Variants in MACROD2 observed in about 807,000 individuals in gnomAD.
MACROD2 encodes ADP-ribose glycohydrolase MACROD2.
A neutral mutation model predicts 70.4 loss-of-function variants in MACROD2; 36 were observed. The ratio of observed to expected loss-of-function variants is 0.51; its 90% confidence interval spans 0.39 to 0.68. The LOEUF (loss-of-function observed/expected upper bound fraction) is 0.68. Ranked by LOEUF, MACROD2 falls within the 30% of genes least tolerant of loss-of-function variation. MACROD2 has a pLI of 0.00. For synonymous variants in MACROD2, 172 were observed against 178.8 expected, an observed-to-expected ratio of 0.96 and a Z score of 0.30; for missense variants, 496 against 538.4, an observed-to-expected ratio of 0.92 and a Z score of 0.78.
Position 15,019,163 on chromosome 20 carries a change from A to G in MACROD2, c.419-210777A>G, listed in dbSNP as rs868776383. On this transcript the variant is annotated intron_variant, in intron 5 of 17. Coordinates refer to ENST00000684519, the MANE Select transcript of MACROD2 (RefSeq NM_001351661.2). The stretch of plus-strand genomic sequence containing the variant: ...CCCTTCTTCCTCTGAACACACACAC[A>G]CGCGCGCGCGCGCGCGGAGAGAGTT... Among the ~76,000 whole-genome samples, 279 of 151,184 alleles carry G rather than the reference A, an allele frequency of 1.8e-3. 1 individual carries two copies. The highest frequency in any genetic ancestry group is 5.4e-3 in the African/African-American group (222 of 41,210).
At chr20:14,654,211 A>G (rs1441245374) in intron 4 of MACROD2, among the ~76,000 whole-genome samples, 1 of 152,028 alleles carries the variant, frequency 6.6e-6, no homozygotes, top group East Asian at 1.9e-4. Context: ...TGGTAGCCAC[A>G]TCAGTTACAG....
chr20:14,859,970 G>A (rs1489053831), intron 5 of MACROD2, among the ~76,000 whole-genome samples: 1 of 152,108 alleles, frequency 6.6e-6, no homozygotes, highest in Non-Finnish European at 1.5e-5. Flanking sequence ...TCACCTAGCA[G>A]CTCAGAGGCA....
intron 10 of MACROD2, among the ~76,000 whole-genome samples, chr20:15,930,389 C>A (rs1259910699): frequency 6.6e-6 from 1 of 152,144 alleles, no homozygotes; most frequent in Admixed American, 6.5e-5. Context: ...ATAAGCCAGC[C>A]AAAATGTCCT....
rs574078259 is a variant in MACROD2 at position 15,245,992 on chromosome 20, T to A, written c.540+15931T>A. On this transcript the variant is annotated intron_variant, in intron 6 of 17. Transcript: ENST00000684519. ...CTTCAGCTTTAGATAATAGTGTGCA[T>A]CTTTCTAAAATAACTCATATGCAAT... Among the ~76,000 whole-genome samples, 25 of 152,330 alleles carry A rather than the reference T, an allele frequency of 1.6e-4. No homozygotes were observed. In the South Asian group the frequency reaches 3.5e-3, roughly 21 times the overall value.
At chr20:14,686,526 G>A (rs1396205925) in intron 5 of MACROD2, among the ~76,000 whole-genome samples, 1 of 152,098 alleles carries the variant, frequency 6.6e-6, no homozygotes, top group Non-Finnish European at 1.5e-5. Context: ...GATTCAACCT[G>A]TACTATATTT....
In MACROD2 at chr20:15,937,502, G is replaced by A. The variant is rs760177995; in HGVS notation, c.865G>A (p.Gly289Ser). 7 of 1,613,356 alleles carry A rather than the reference G, an allele frequency of 4.3e-6. No homozygotes were observed. The Admixed American group carries it at 5.0e-5, about 12-fold the overall frequency. ...TGGTGTCAACACTGTCACTGTGCCC[G>A]GCCCTGCTTCAGAAGAGGCAGTTGA... ...ADGVNTVTVP[G>S]PASEEAVEDC... is the part of the protein sequence containing the mutation. Residue 289 changes from glycine (G) to serine (S), a missense_variant, in exon 12 of 18, where the codon GGC (glycine) becomes AGC (serine). Transcript: ENST00000684519.
At chr20:14,926,646 G>A (rs1239755866) in intron 5 of MACROD2, among the ~76,000 whole-genome samples, 3 of 152,136 alleles carry the variant, frequency 2.0e-5, no homozygotes, top group Admixed American at 1.3e-4. Flanking sequence ...TTAGCTGCAT[G>A]TGTGGGAATG....
chr20:14,881,168 C>T (rs2073607031), intron 5 of MACROD2, among the ~76,000 whole-genome samples: 1 of 151,504 alleles, frequency 6.6e-6, no homozygotes, highest in Admixed American at 6.6e-5. Flanking sequence ...CCTGCTAGGC[C>T]CTTGTCAGTG....
At chr20:15,842,558 G>A (rs1337365592) in intron 8 of MACROD2, among the ~76,000 whole-genome samples, 1 of 41,230 alleles carries the variant, frequency 2.4e-5, no homozygotes, top group Non-Finnish European at 4.2e-5. Flanking sequence ...TCACATTAAT[G>A]GGAATATCAG....
chr20:14,280,944 G>A (rs2082301565), intron 3 of MACROD2, among the ~76,000 whole-genome samples: 1 of 152,174 alleles, frequency 6.6e-6, no homozygotes, highest in African/African-American at 2.4e-5. Flanking sequence ...CAGTTTCCAA[G>A]TTATTACTTT....
intron 3 of MACROD2, among the ~76,000 whole-genome samples, chr20:14,342,048 G>A (rs1274504105): frequency 1.3e-5 from 2 of 152,090 alleles, no homozygotes; most frequent in Non-Finnish European, 2.9e-5. Context: ...GCCCTGGGGG[G>A]GTCACTGTTT....
chr20:14,815,886 A>C (rs1028059052), intron 5 of MACROD2, among the ~76,000 whole-genome samples: 2 of 152,014 alleles, frequency 1.3e-5, no homozygotes, highest in Non-Finnish European at 2.9e-5. Context: ...AAAGTGCCAA[A>C]TATAAAGTTG....
At chr20:14,417,046 TTATC>T (rs796539518) in intron 3 of MACROD2, among the ~76,000 whole-genome samples, 132 of 131,880 alleles carry the variant, frequency 1.0e-3, no homozygotes, top group African/African-American at 3.4e-3. Context: ...TATCTATCTA[TTATC>T]TATCTATCTA....
intron 5 of MACROD2, among the ~76,000 whole-genome samples, chr20:14,764,090 G>T (rs1434926114): frequency 1.3e-5 from 2 of 152,022 alleles, no homozygotes; most frequent in African/African-American, 2.4e-5. Flanking sequence ...TGATGTGTTT[G>T]CTGGCATTAC....
intron 3 of MACROD2, among the ~76,000 whole-genome samples, chr20:14,202,877 C>T (rs752600586): frequency 8.6e-5 from 13 of 152,000 alleles, no homozygotes; most frequent in Admixed American, 7.2e-4. Context: ...AGTGAAACCC[C>T]GTCTCTATTA....
At chr20:14,496,938 G>T (rs2084859379) in intron 4 of MACROD2, among the ~76,000 whole-genome samples, 1 of 151,566 alleles carries the variant, frequency 6.6e-6, no homozygotes, top group African/African-American at 2.4e-5. Context: ...TATTTTAATG[G>T]TTGAGAGAAA....
chr20:15,814,393 C>G (rs561763895), intron 8 of MACROD2, among the ~76,000 whole-genome samples: 172 of 152,186 alleles, frequency 1.1e-3, no homozygotes, highest in Non-Finnish European at 2.1e-3. Context: ...CAGCTCCCCT[C>G]CTCTTGGCTG....
intron 10 of MACROD2, among the ~76,000 whole-genome samples, chr20:15,916,539 C>T (rs2065319138): frequency 6.6e-6 from 1 of 152,216 alleles, no homozygotes; most frequent in African/African-American, 2.4e-5. Context: ...CCACCATCAT[C>T]CCAAACAGCA....
At chr20:14,255,193 G>A (rs2082043772) in intron 3 of MACROD2, among the ~76,000 whole-genome samples, 1 of 151,956 alleles carries the variant, frequency 6.6e-6, no homozygotes, top group African/African-American at 2.4e-5. Flanking sequence ...AATGTAAATG[G>A]GCTAAATGCT....
Sources: allele counts gnomAD v4.1 joint callset (sites outside exome capture counted in the v4.1 genomes callset), GRCh38; gene constraint gnomAD v4.1.1; transcripts MANE v1.5; gene names NCBI Gene and HGNC (gene_info 2026-07-23, HGNC 2026-07-21).